Variants in INSRR observed in about 807,000 individuals in gnomAD.
The protein encoded by INSRR is insulin receptor related receptor.
A neutral mutation model predicts 130.0 loss-of-function variants in INSRR; 114 were observed. The ratio of observed to expected loss-of-function variants is 0.88; its 90% CI spans 0.75 to 1.02. INSRR has a LOEUF of 1.02. Ranked by LOEUF, INSRR falls within the 50% of genes least tolerant of loss-of-function variation. The pLI is 0.00. For missense variants in INSRR, 1,657 were observed against 1,735.2 expected (o/e 0.95, Z 0.80); for synonymous variants, 674 against 705.2 (o/e 0.96, Z 0.70).
intron 5 of INSRR, among the ~76,000 whole-genome samples, chr1:156,849,844 C>T (rs544495210): frequency 9.2e-5 from 14 of 151,846 alleles, no homozygotes; most frequent in Non-Finnish European, 1.8e-4. Flanking sequence ...TGGACACTCT[C>T]GGTGTACATG....
rs191376215 is a variant in INSRR at position 156,844,466 on chromosome 1, G to A, written c.2733C>T (p.Gly911=). 236 of 1,613,424 alleles carry A rather than the reference G, an allele frequency of 1.5e-4. No individual in the cohort carries two copies. The highest frequency in any genetic ancestry group is 6.8e-5 in the Non-Finnish European group (80 of 1,179,696). Residue 911 remains glycine (G), a synonymous_variant, in exon 14 of 22, where the codon GGC becomes GGT. Coordinates refer to ENST00000368195, the MANE Select transcript of INSRR (RefSeq NM_014215.3). Reference sequence around the variant, plus strand: ...TGTGACAGAGGCTGTGTATACCTGGGCCAAGGATGTAGAAGGCAACACTGT... The same window carrying A: ...TGTGACAGAGGCTGTGTATACCTGGACCAAGGATGTAGAAGGCAACACTGT... The part of the protein sequence containing the change: ...WTDSVAFYIL[G]PEEEDAGGLH...
chr1:156,851,236 A>G (rs758338040), intron 5 of INSRR, 54 bp downstream of exon 5: 1 of 1,603,992 alleles, frequency 6.2e-7, no homozygotes, highest in South Asian at 1.1e-5. Context: ...CTGTTCTGGG[A>G]GTGTTGGAGG....
rs1322273300 is a variant in INSRR, at chr1:156,842,103, C to T, written c.3397+9G>A. 2.5e-6 allele frequency: 4 copies of T among 1,613,868 alleles called. No individual in the cohort carries two copies. The highest frequency in any genetic ancestry group is 1.1e-5 in the South Asian group (1 of 90,994). Reference sequence around the variant, plus strand: ...CAGGCCGCCCTCATCTGCCTGGCACCCTCTGTACCCCCGATCTTGACGGTG... The same window carrying T: ...CAGGCCGCCCTCATCTGCCTGGCACTCTCTGTACCCCCGATCTTGACGGTG... On this transcript the variant is annotated intron_variant, in intron 19 of 21. Coordinates refer to ENST00000368195, the MANE Select transcript of INSRR (RefSeq NM_014215.3).
At chr1:156,853,652 G>A (rs1196192794) in intron 2 of INSRR, 100 bp downstream of exon 2, 3 of 1,165,676 alleles carry the variant, frequency 2.6e-6, no homozygotes, top group South Asian at 1.5e-5. Context: ...AAAAAACAGT[G>A]GCAGCTGAAA....
At chr1:156,842,609 C>T in intron 17 of INSRR, 101 bp from the exon 18 acceptor site, 1 of 813,182 alleles carries the variant, frequency 1.2e-6, no homozygotes, top group South Asian at 1.5e-5. Context: ...GACACCAAAC[C>T]TGACCCTAAC....
In INSRR at chr1:156,846,073, G is replaced by T; in HGVS notation, c.1857C>A (p.Ser619=). 3.1e-6 allele frequency: 5 copies of T among 1,611,688 alleles called. No individual in the cohort carries two copies. The highest frequency in any genetic ancestry group is 4.2e-6 in the Non-Finnish European group (5 of 1,178,586). Residue 619 remains serine (S), a synonymous_variant, in exon 9 of 22, where the codon TCC becomes TCA. Transcript: ENST00000368195. ...QDVISTSNSS[S]HLLVRWKPPT... is the part of the protein sequence containing the mutation. Reference sequence around the variant, plus strand: ...GTGGCTTCCAGCGCACCAGGAGGTGGGAGGAGGAGTTGGACGTGGAGATGA... The same window carrying T: ...GTGGCTTCCAGCGCACCAGGAGGTGTGAGGAGGAGTTGGACGTGGAGATGA...
At chr1:156,849,489 C>A (rs778415385) in intron 5 of INSRR, 29 bp from the exon 6 acceptor site, 139 of 262,002 alleles carry the variant, frequency 5.3e-4, no homozygotes, top group Non-Finnish European at 9.1e-4. Context: ...CCTTGCTCTG[C>A]GGGGAGGTGG....
chr1:156,851,954 G>A lies in INSRR; in HGVS notation c.875C>T (p.Thr292Ile), dbSNP rs1655226914. 1 of 1,607,036 alleles carries A rather than the reference G, an allele frequency of 6.2e-7. No homozygotes were observed. Among genetic ancestry groups the A allele is most frequent in the South Asian group, 1.1e-5 (1 of 90,876 alleles). The change falls in exon 3 of 22, where the codon ACC becomes ATC. Residue 292 changes from threonine to isoleucine, a missense_variant. Coordinates refer to ENST00000368195, the MANE Select transcript of INSRR (RefSeq NM_014215.3). The stretch of plus-strand genomic sequence containing the variant: ...GCAACTGCCCTGGTGTATGCCGAAG[G>A]TGGAGGCACGGCCGGGCACAGAGTG... The part of the protein sequence containing the change: ...SLHSVPGRAS[T>I]FGIHQGSCLA...
chr1:156,855,347 G>A (rs1655373480), intron 1 of INSRR, among the ~76,000 whole-genome samples: 1 of 152,100 alleles, frequency 6.6e-6, no homozygotes, highest in Non-Finnish European at 1.5e-5. Context: ...GGGATTACAG[G>A]TGCCCGCCGC....
chr1:156,844,185 C>T lies in INSRR; in HGVS notation c.2833G>A (p.Gly945Ser), dbSNP rs555373809. The change falls in exon 15 of 22, where the codon GGC becomes AGC. Residue 945 changes from glycine to serine, a missense_variant. By Grantham distance (56) the Gly-to-Ser change is moderately conservative. Transcript: ENST00000368195. ...IVLAALGFFYGKKRNRTLYAS... is the reference protein window; with the variant it reads ...IVLAALGFFYSKKRNRTLYAS... ...GGGACTTATCATCACCTCTTCTTGC[C>T]GTAGAAGAAACCAAGGGCAGCAAGA... 73 of 1,612,778 alleles carry T rather than the reference C, an allele frequency of 4.5e-5. No homozygotes were observed. Among genetic ancestry groups the T allele is most frequent in the East Asian group, 4.0e-4 (18 of 44,864 alleles).
intron 14 of INSRR, 71 bp from the exon 15 acceptor site, chr1:156,844,351 T>A: frequency 1.9e-6 from 3 of 1,550,956 alleles, no homozygotes; most frequent in Non-Finnish European, 2.7e-6. Flanking sequence ...TGCTTCTCTT[T>A]CCATGCTGGG....
Position 156,840,790 on chromosome 1 carries a change from G to A in INSRR, c.*83C>T, listed in dbSNP as rs867185775. ...TCCCTTGCCCTGAGTTGGGGTGGGG[G>A]TGAACATTCAGGCGTCTCAGCCACA... On this transcript the variant is annotated 3_prime_UTR_variant, in exon 22 of 22. Transcript: ENST00000368195. 293 of 1,067,470 alleles carry A rather than the reference G, an allele frequency of 2.7e-4. 1 individual carries two copies. Among genetic ancestry groups the A allele is most frequent in the Middle Eastern group, 1.4e-3 (5 of 3,570 alleles). 66.1% of individuals were successfully genotyped at this position (1,067,470 alleles called of 1,614,324 possible). A position where few individuals can be genotyped will look rare whatever the true frequency, so the allele number is the denominator to read the frequency against.
chr1:156,841,275 C>T (rs910226547), intron 21 of INSRR, 119 bp downstream of exon 21: 8 of 1,079,952 alleles, frequency 7.4e-6, no homozygotes, highest in Non-Finnish European at 1.1e-5. Context: ...GGGTGGCGCT[C>T]ATAGCTGAGG....
Position 156,843,166 on chromosome 1 carries a change from G to T in INSRR, c.2964C>A (p.Gly988=). 1.2e-6 allele frequency: 2 copies of T among 1,614,076 alleles called. No homozygotes were observed. Among genetic ancestry groups the T allele is most frequent in the African/African-American group, 1.3e-5 (1 of 74,996 alleles). ...GCCCCTCATATACCATCCCAAAAGA[G>T]CCCTGGCCCAGTTCCCGGATTATCG... ...QISIIRELGQ[G]SFGMVYEGLA... Residue 988 remains glycine, a synonymous_variant, in exon 17 of 22, where the codon GGC becomes GGA. Coordinates refer to ENST00000368195, the MANE Select transcript of INSRR (RefSeq NM_014215.3).
intron 5 of INSRR, 100 bp from the exon 6 acceptor site, chr1:156,849,560 C>A: frequency 2.3e-6 from 2 of 859,670 alleles, no homozygotes; most frequent in Non-Finnish European, 3.7e-6. Context: ...TTGCTGGGCC[C>A]GGGGAGAGGG....
At position 156,846,003 on chromosome 1, in the gene INSRR, G is replaced by A; in HGVS notation, c.1927C>T (p.Gln643Ter). Residue 643 changes from glutamine (Q) to a stop codon, truncating the protein, a stop_gained, in exon 9 of 22, where the codon CAG (glutamine) becomes TAG (stop). Coordinates refer to ENST00000368195, the MANE Select transcript of INSRR (RefSeq NM_014215.3). LOFTEE classifies it high-confidence loss of function. Reference sequence around the variant, plus strand: ...AGGTCGCCGTCCTCTGCCAGCCGCTGCCACAGCACCAGGTAGTAGGTGAGG... The same window carrying A: ...AGGTCGCCGTCCTCTGCCAGCCGCTACCACAGCACCAGGTAGTAGGTGAGG... ...GNLTYYLVLW[Q>*]RLAEDGDLYL... 1 of 1,614,128 alleles carries A rather than the reference G, an allele frequency of 6.2e-7. No homozygotes were observed. The highest frequency in any genetic ancestry group is 1.3e-5 in the African/African-American group (1 of 75,060).
At position 156,842,410 on chromosome 1, in the gene INSRR, C is replaced by A. The variant is rs757445934; in HGVS notation, c.3225G>T (p.Arg1075=). The A allele has an allele frequency of 6.2e-7, 1 of 1,613,908 alleles. No individual in the cohort carries two copies. The highest frequency in any genetic ancestry group is 1.7e-5 in the Admixed American group (1 of 60,000). The change falls in exon 18 of 22, where the codon CGG becomes CGT. Residue 1075 remains arginine, a synonymous_variant. Coordinates refer to ENST00000368195, the MANE Select transcript of INSRR (RefSeq NM_014215.3). ...GDLKSHLRSL[R]PEAENNPGLP... ...TCCTGGTCCCTACCTCTGCCTCAGGCCGCAAAGATCGAAGATGGCTCTTGA... is the reference window on the plus strand; with the variant it reads ...TCCTGGTCCCTACCTCTGCCTCAGGACGCAAAGATCGAAGATGGCTCTTGA...
At chr1:156,845,905 C>T (rs778307938) in intron 9 of INSRR, 47 bp downstream of exon 9, 2 of 1,600,098 alleles carry the variant, frequency 1.2e-6, no homozygotes, top group South Asian at 2.2e-5. Flanking sequence ...CTCCATCTCC[C>T]CTTCCCCACC....
At chr1:156,842,957 C>G (rs753665667) in intron 17 of INSRR, 47 bp downstream of exon 17, 21 of 1,436,212 alleles carry the variant, frequency 1.5e-5, no homozygotes, top group Non-Finnish European at 1.9e-5. Flanking sequence ...TACCACATGA[C>G]CTTTACACTA....
Sources: allele counts gnomAD v4.1 joint callset (sites outside exome capture counted in the v4.1 genomes callset), GRCh38; gene constraint gnomAD v4.1.1; transcripts MANE v1.5; gene names NCBI Gene and HGNC (gene_info 2026-07-23, HGNC 2026-07-21).